CSMD2: variants seen among roughly 807,000 people sequenced by gnomAD.
CSMD2 encodes the protein CUB and Sushi multiple domains 2, also known as CUB and sushi domain-containing protein 2.
Under a neutral mutation model 398.5 loss-of-function variants are expected in CSMD2, and 130 were observed. The ratio of observed to expected loss-of-function variants is 0.33; its 90% CI spans 0.28 to 0.38. The LOEUF (loss-of-function observed/expected upper bound fraction) is 0.38, where lower values mean the gene tolerates loss of function less well. CSMD2 is among the 10% of genes least tolerant of loss of function. The probability of loss-of-function intolerance (pLI) is 1.00; values close to 1 mark genes in which losing one functional copy is unlikely to be tolerated. For missense variants in CSMD2, 3,829 were observed against 4,764.9 expected (o/e 0.80, Z 5.78); for synonymous variants, 1,828 against 1,908.5 (o/e 0.96, Z 1.10).
At chr1:34,086,414 A>G (rs1657894740) in intron 2 of CSMD2, among the ~76,000 whole-genome samples, 1 of 152,202 alleles carries the variant, frequency 6.6e-6, no homozygotes, top group South Asian at 2.1e-4. Flanking sequence ...AGTGCACGTT[A>G]AGTGCCTTCT....
intron 50 of CSMD2, 100 bp downstream of exon 50, chr1:33,572,406 T>TTC: frequency 2.0e-6 from 2 of 993,976 alleles, no homozygotes; most frequent in South Asian, 2.5e-5. Flanking sequence ...TTTTTTTTTT[T>TTC]CCCCCTCATT....
At chr1:33,673,521 A>T (rs1207714094) in intron 25 of CSMD2, among the ~76,000 whole-genome samples, 1 of 152,250 alleles carries the variant, frequency 6.6e-6, no homozygotes, top group Non-Finnish European at 1.5e-5. Flanking sequence ...AATGGAACCA[A>T]GTTGGAAAAC....
rs1569986849 is a variant in CSMD2, at chr1:33,795,859, A to C, written c.1447-3333T>G. 1.3e-5 allele frequency among the ~76,000 whole-genome samples: 2 copies of C among 152,250 alleles called. 1 individual carries two copies. Among genetic ancestry groups the C allele is most frequent in the Middle Eastern group, 6.8e-3 (2 of 294 alleles). On this transcript the variant is annotated intron_variant, in intron 10 of 70. Coordinates refer to ENST00000373381, the MANE Select transcript of CSMD2 (RefSeq NM_001281956.2). Reference sequence around the variant, plus strand: ...ATGTAGACTGGGAGAACAATTTCCAAAGCTTTCCTGCTTCTCTAGCATGGA... The same window carrying C: ...ATGTAGACTGGGAGAACAATTTCCACAGCTTTCCTGCTTCTCTAGCATGGA...
intron 1 of CSMD2, among the ~76,000 whole-genome samples, chr1:34,114,360 C>A (rs181552611): frequency 6.7e-6 from 1 of 148,942 alleles, no homozygotes; most frequent in Non-Finnish European, 1.5e-5. Context: ...ACAAAGCACA[C>A]TTAAAAAAAA....
chr1:34,123,201 G>T (rs1378204872), intron 1 of CSMD2, among the ~76,000 whole-genome samples: 1 of 152,186 alleles, frequency 6.6e-6, no homozygotes, highest in Non-Finnish European at 1.5e-5. Flanking sequence ...GAACCTCCGG[G>T]AAAGGGACAG....
At chr1:33,753,241 C>G (rs1044257903) in intron 13 of CSMD2, among the ~76,000 whole-genome samples, 11 of 152,322 alleles carry the variant, frequency 7.2e-5, no homozygotes, top group Admixed American at 2.6e-4. Context: ...TTGCAGCAGC[C>G]TCTCGCATCA....
chr1:33,918,069 G>A (rs1429613274), intron 5 of CSMD2, 25 bp downstream of exon 5: 1 of 1,604,514 alleles, frequency 6.2e-7, no homozygotes, highest in Non-Finnish European at 8.5e-7. Flanking sequence ...AATAGGGTAG[G>A]AAAGGAAGGT....
rs535612490 is a variant in CSMD2 at position 33,872,950 on chromosome 1, C to T, written c.921-25954G>A. On this transcript the variant is annotated intron_variant, in intron 5 of 70. Transcript: ENST00000373381. ...TCCTGGCTGGATTTCAAAATTGTTA[C>T]GGACCAGTGACGCCTTTGTTCCTCA... Among the ~76,000 whole-genome samples, 99 of 152,292 alleles carry T rather than the reference C, an allele frequency of 6.5e-4. 1 individual carries two copies. The highest frequency in any genetic ancestry group is 2.4e-4 in the Non-Finnish European group (16 of 68,020).
intron 67 of CSMD2, among the ~76,000 whole-genome samples, chr1:33,522,801 G>A (rs560387079): frequency 5.3e-5 from 8 of 152,348 alleles, no homozygotes; most frequent in African/African-American, 1.9e-4. Flanking sequence ...TGGAGATCCA[G>A]CTTCCACCTC....
intron 1 of CSMD2, among the ~76,000 whole-genome samples, chr1:34,108,328 G>T (rs1660724602): frequency 6.6e-6 from 1 of 152,172 alleles, no homozygotes; most frequent in Non-Finnish European, 1.5e-5. Context: ...GAATCAGAAA[G>T]CCTGGGTTCT....
rs751344025 is a variant in CSMD2 at position 34,117,648 on chromosome 1, CA to C, written c.188-28456del. Among the ~76,000 whole-genome samples, 617 of 144,076 alleles carry C rather than the reference CA, an allele frequency of 4.3e-3. 2 individuals carry two copies. The highest frequency in any genetic ancestry group is 5.8e-3 in the Non-Finnish European group (382 of 65,722). The allele number at this position is 144,076 out of a possible 152,430, so 94.5% of individuals were successfully genotyped here. ...CCTAATACCAAAATCAAAGATACTACAAAAAAAAAAGAAAACAAACAAACAA... is the reference window on the plus strand; with the variant it reads ...CCTAATACCAAAATCAAAGATACTACAAAAAAAAAGAAAACAAACAAACAA... On this transcript the variant is annotated intron_variant, in intron 1 of 70. Coordinates refer to ENST00000373381, the MANE Select transcript of CSMD2 (RefSeq NM_001281956.2).
At chr1:33,832,955 A>T (rs1044964667) in intron 6 of CSMD2, among the ~76,000 whole-genome samples, 2 of 152,126 alleles carry the variant, frequency 1.3e-5, no homozygotes, top group Admixed American at 1.3e-4. Context: ...AACCAGGAAG[A>T]AGTCGAATCT....
At position 33,960,672 on chromosome 1, in the gene CSMD2, A is replaced by G. The variant is rs144649438; in HGVS notation, c.518-24718T>C. Reference sequence around the variant, plus strand: ...GGCACCGCACGCATTTCCCATGGAAACAGAGACTCTCATTTGCCAACCTTT... The same window carrying G: ...GGCACCGCACGCATTTCCCATGGAAGCAGAGACTCTCATTTGCCAACCTTT... On this transcript the variant is annotated intron_variant, in intron 3 of 70. Transcript: ENST00000373381. Among the ~76,000 whole-genome samples, 7 of 152,316 alleles carry G rather than the reference A, an allele frequency of 4.6e-5. No individual in the cohort carries two copies. In the East Asian group the frequency reaches 1.4e-3, roughly 29 times the overall value.
intron 13 of CSMD2, among the ~76,000 whole-genome samples, chr1:33,747,143 A>G (rs533973494): frequency 6.6e-6 from 1 of 152,240 alleles, no homozygotes. Context: ...AATTTAAACA[A>G]CAAACTCAAG....
intron 25 of CSMD2, among the ~76,000 whole-genome samples, chr1:33,687,104 C>A (rs1455459233): frequency 6.6e-6 from 1 of 152,138 alleles, no homozygotes; most frequent in Non-Finnish European, 1.5e-5. Context: ...AGCAACACAG[C>A]AAATAAGAGT....
intron 53 of CSMD2, among the ~76,000 whole-genome samples, chr1:33,563,985 C>A (rs1658818426): frequency 6.6e-6 from 1 of 151,986 alleles, no homozygotes; most frequent in South Asian, 2.1e-4. Flanking sequence ...ATTCCCAAAC[C>A]TCTGTGCTCC....
chr1:33,589,632 A>G (rs1194086311), intron 44 of CSMD2, among the ~76,000 whole-genome samples: 1 of 152,192 alleles, frequency 6.6e-6, no homozygotes, highest in Non-Finnish European at 1.5e-5. Context: ...ACATCACTTC[A>G]TGATCACCCA....
At chr1:33,838,664 A>C (rs745637062) in intron 6 of CSMD2, 4 of 152,272 alleles carry the variant, frequency 2.6e-5, no homozygotes, top group African/African-American at 4.8e-5. Context: ...ACCTTCTAGC[A>C]GGTGCTGTAG....
intron 3 of CSMD2, among the ~76,000 whole-genome samples, chr1:34,016,364 G>T (rs557330152): frequency 6.7e-6 from 1 of 150,306 alleles, no homozygotes; most frequent in Admixed American, 6.7e-5. Context: ...TCCATGTATT[G>T]TCACTGTTCA....
Sources: allele counts gnomAD v4.1 joint callset (sites outside exome capture counted in the v4.1 genomes callset), GRCh38; gene constraint gnomAD v4.1.1; transcripts MANE v1.5; gene names NCBI Gene and HGNC (gene_info 2026-07-23, HGNC 2026-07-21).